The following SLC26A8 variants were observed in gnomAD, a reference collection of about 807,000 sequenced individuals.
SLC26A8 encodes testis anion transporter 1.
A neutral mutation model predicts 105.0 loss-of-function variants in SLC26A8; 70 were observed. The ratio of observed to expected loss-of-function variants is 0.67; its 90% CI spans 0.55 to 0.81. The LOEUF (loss-of-function observed/expected upper bound fraction) is 0.81, where lower values mean the gene tolerates loss of function less well. Among genes scored for constraint, SLC26A8 ranks in the 40% least tolerant of loss-of-function variants. The pLI is 0.00. For synonymous variants in SLC26A8, 415 were observed against 438.3 expected (o/e 0.95, Z 0.66); for missense variants, 998 against 1,181.8 (o/e 0.84, Z 2.28).
rs553517743 is a variant in SLC26A8 at position 35,981,829 on chromosome 6, A to G, written c.1025+292T>C. ...AATCAGAGAGGTATAGTAGTTGAGA[A>G]GGCCTATCATGTGCTATGAAAAAAA... is the stretch of plus-strand genomic sequence containing the variant. On this transcript the variant is annotated intron_variant, in intron 8 of 19. Coordinates refer to ENST00000490799, the MANE Select transcript of SLC26A8 (RefSeq NM_052961.4). This position sits in a 1 kb window ranked among gnomAD's most constrained non-coding sequence, Gnocchi z 4.0. Among the ~76,000 whole-genome samples, 3 of 152,216 alleles carry G rather than the reference A, an allele frequency of 2.0e-5. No individual in the cohort carries two copies. The East Asian group carries it at 5.8e-4, about 29-fold the overall frequency.
chr6:35,960,790 T>G lies in SLC26A8; in HGVS notation c.1638+53A>C, dbSNP rs547946056. ...TTTTGTAGAAAAACTAAGCATGAGG[T>G]GGGGCCCACTCTATCCCTTAGGCAG... On this transcript the variant is annotated intron_variant, in intron 14 of 19. Coordinates refer to ENST00000490799, the MANE Select transcript of SLC26A8 (RefSeq NM_052961.4). The G allele has an allele frequency of 4.5e-6, 7 of 1,546,366 alleles. No individual in the cohort carries two copies. In the East Asian group the frequency reaches 1.6e-4, roughly 35 times the overall value.
intron 7 of SLC26A8, among the ~76,000 whole-genome samples, chr6:35,982,813 T>C (rs564890611): frequency 6.6e-6 from 1 of 152,336 alleles, no homozygotes; most frequent in South Asian, 2.1e-4. Flanking sequence ...GATTAACCCT[T>C]AATAATATGG....
intron 7 of SLC26A8, among the ~76,000 whole-genome samples, chr6:35,987,447 C>G (rs1304706414): frequency 1.3e-5 from 2 of 152,160 alleles, no homozygotes; most frequent in Non-Finnish European, 2.9e-5. Flanking sequence ...TCTCAGCTCA[C>G]TGCAAGCTCC....
At chr6:35,951,084 G>GCCCCCCACCAC in intron 19 of SLC26A8, 79 bp downstream of exon 19, 1 of 1,285,998 alleles carries the variant, frequency 7.8e-7, no homozygotes, top group Admixed American at 1.9e-5. Context: ...CTGACTCCCA[G>GCCCCCCACCAC]CCCCCAACCA....
intron 3 of SLC26A8, among the ~76,000 whole-genome samples, chr6:36,002,414 A>G (rs373557344): frequency 6.6e-6 from 1 of 152,262 alleles, no homozygotes; most frequent in South Asian, 2.1e-4. Context: ...CTTCTGGGGC[A>G]TTTACTAAAT....
chr6:36,008,205 G>A (rs972612724), intron 3 of SLC26A8, among the ~76,000 whole-genome samples: 20 of 152,054 alleles, frequency 1.3e-4, no homozygotes, highest in Admixed American at 2.0e-4. Context: ...CAAGGCAAGA[G>A]GATGCTTGAG....
In SLC26A8 at chr6:36,012,241, A is replaced by G. The variant is rs1418863431; in HGVS notation, c.320T>C (p.Val107Ala). Residue 107 changes from valine (V) to alanine (A), a missense_variant, in exon 3 of 20, where the codon GTT becomes GCT. Val to Ala is a moderately conservative substitution (Grantham distance 64, BLOSUM62 0). Coordinates refer to ENST00000490799, the MANE Select transcript of SLC26A8 (RefSeq NM_052961.4). The part of the protein sequence containing the change: ...LAGISVGLVQ[V>A]PQGLTLSLLA... Reference sequence around the variant, plus strand: ...CTTCATATCTTCCTTACCTTGGGGAACTTGCACAAGGCCAACACTTATACC... The same window carrying G: ...CTTCATATCTTCCTTACCTTGGGGAGCTTGCACAAGGCCAACACTTATACC... The G allele has an allele frequency of 6.2e-7, 1 of 1,612,358 alleles. No individual in the cohort carries two copies. The highest frequency in any genetic ancestry group is 8.5e-7 in the Non-Finnish European group (1 of 1,179,474).
chr6:35,984,148 A>AGCC (rs2127336384), intron 7 of SLC26A8, among the ~76,000 whole-genome samples: 1 of 152,250 alleles, frequency 6.6e-6, no homozygotes, highest in African/African-American at 2.4e-5. Flanking sequence ...AGCACAAATT[A>AGCC]TGTCACAAAA....
At chr6:35,964,512 T>A (rs1019388983) in intron 11 of SLC26A8, among the ~76,000 whole-genome samples, 1 of 151,912 alleles carries the variant, frequency 6.6e-6, no homozygotes, top group Non-Finnish European at 1.5e-5. Flanking sequence ...CCGGGCATGG[T>A]GGTACATGCC....
At chr6:35,988,550 G>A (rs958008831) in intron 7 of SLC26A8, among the ~76,000 whole-genome samples, 5 of 151,928 alleles carry the variant, frequency 3.3e-5, no homozygotes, top group South Asian at 2.1e-4. Flanking sequence ...AAGGAGAATC[G>A]CTTGAATCTG....
At chr6:35,987,163 A>T (rs941147448) in intron 7 of SLC26A8, among the ~76,000 whole-genome samples, 11 of 152,248 alleles carry the variant, frequency 7.2e-5, no homozygotes, top group Admixed American at 7.2e-4. Context: ...GTCCCAAGGC[A>T]GTATTTTTCA....
At chr6:35,947,290 C>T (rs1252338387) in intron 19 of SLC26A8, among the ~76,000 whole-genome samples, 2 of 152,036 alleles carry the variant, frequency 1.3e-5, no homozygotes, top group Admixed American at 6.6e-5. Context: ...CTTGGCCTCC[C>T]GAAGTGCTAG....
At chr6:35,993,265 A>C (rs1396891783) in intron 5 of SLC26A8, among the ~76,000 whole-genome samples, 1 of 149,402 alleles carries the variant, frequency 6.7e-6, no homozygotes, top group Non-Finnish European at 1.5e-5. Flanking sequence ...TTGGCCTCCC[A>C]AAACCCTGGG....
At chr6:35,962,015 T>G (rs543025904) in intron 12 of SLC26A8, among the ~76,000 whole-genome samples, 30 of 152,220 alleles carry the variant, frequency 2.0e-4, no homozygotes, top group Non-Finnish European at 4.0e-4. Flanking sequence ...ATCACAAGGT[T>G]AGGAGTTTGA....
intron 7 of SLC26A8, among the ~76,000 whole-genome samples, chr6:35,985,476 C>T (rs1159998656): frequency 1.3e-5 from 2 of 151,826 alleles, no homozygotes; most frequent in Admixed American, 6.6e-5. Context: ...GGGCAGATCA[C>T]GAAGTCAGGA....
intron 15 of SLC26A8, 57 bp downstream of exon 15, chr6:35,959,657 G>C: frequency 6.2e-7 from 1 of 1,607,574 alleles, no homozygotes; most frequent in Non-Finnish European, 8.5e-7. Flanking sequence ...GAGTGGGAGA[G>C]AGATGCCAGT....
chr6:36,015,161 G>A (rs1485585697), intron 2 of SLC26A8, among the ~76,000 whole-genome samples: 1 of 149,078 alleles, frequency 6.7e-6, no homozygotes, highest in Non-Finnish European at 1.5e-5. Context: ...AGGCTGGAGT[G>A]CAGTGGCGCA....
chr6:36,007,923 G>T (rs529820686), intron 3 of SLC26A8, among the ~76,000 whole-genome samples: 1 of 150,754 alleles, frequency 6.6e-6, no homozygotes, highest in Non-Finnish European at 1.5e-5. Context: ...AATCGAGACC[G>T]TCCTGGCTAA....
intron 1 of SLC26A8, among the ~76,000 whole-genome samples, chr6:36,023,781 T>C (rs974379970): frequency 1.3e-5 from 2 of 152,182 alleles, no homozygotes; most frequent in African/African-American, 2.4e-5. Context: ...CACCTGTTAC[T>C]ACCTAGGTTT....
Sources: gnomAD v4.1 joint callset for allele counts (sites outside exome capture counted in the v4.1 genomes callset) on GRCh38, gnomAD v4.1.1 for gene constraint, Gnocchi (gnomAD v3.1) non-coding constraint, MANE v1.5 for transcripts, NCBI Gene and HGNC (gene_info 2026-07-23, HGNC 2026-07-21) for gene names.